The following TOP3A variants were observed in gnomAD, a reference collection of about 807,000 sequenced individuals.
TOP3A encodes DNA topoisomerase III alpha.
Under a neutral mutation model 111.3 loss-of-function variants are expected in TOP3A, and 64 were observed. The observed-to-expected ratio is 0.57, with a 90% confidence interval of 0.47 to 0.71. TOP3A has a LOEUF of 0.71. TOP3A is among the 30% of genes least tolerant of loss of function. The pLI, the probability that TOP3A is intolerant of heterozygous loss-of-function variation, is 0.00. For synonymous variants in TOP3A, 484 were observed against 485.1 expected, an observed-to-expected ratio of 1.00 and a Z score of 0.03; for missense variants, 1,104 against 1,285.0, an observed-to-expected ratio of 0.86 and a Z score of 2.15.
chr17:18,275,811 A>G (rs758717675), intron 18 of TOP3A, among the ~76,000 whole-genome samples: 13 of 147,404 alleles, frequency 8.8e-5, no homozygotes, highest in Non-Finnish European at 1.5e-4. Context: ...ACCGACCACC[A>G]TGCCCGGCTA....
rs778243201 is a variant in TOP3A at position 18,282,828 on chromosome 17, A to C, written c.1891T>G (p.Leu631Val). ...VAKAKKLDEA[L>V]AQYFGNGTEL... ...GTCCCATTCCCAAAGTACTGGGCCA[A>C]GGCCTCGTCCAATCTGAAGAAAAGG... The change falls in exon 16 of 19, where the codon TTG (leucine) becomes GTG (valine). Residue 631 changes from leucine (L) to valine (V), a missense_variant. By Grantham distance (32) the Leu-to-Val change is conservative. Coordinates refer to ENST00000321105, the MANE Select transcript of TOP3A (RefSeq NM_004618.5). 1 of 1,614,134 alleles carries C rather than the reference A, an allele frequency of 6.2e-7. No homozygotes were observed. The highest frequency in any genetic ancestry group is 1.1e-5 in the South Asian group (1 of 91,086).
At chr17:18,291,060 T>C in intron 11 of TOP3A, 33 bp from the exon 12 acceptor site, 2 of 1,603,420 alleles carry the variant, frequency 1.2e-6, no homozygotes, top group Non-Finnish European at 1.7e-6. Context: ...AAACTCCCCC[T>C]AGAATATCAC....
In TOP3A at chr17:18,294,695, A is replaced by G; in HGVS notation, c.1073+8T>C. The G allele has an allele frequency of 1.9e-6, 3 of 1,605,448 alleles. No individual in the cohort carries two copies. The highest frequency in any genetic ancestry group is 2.6e-6 in the Non-Finnish European group (3 of 1,172,372). ...TTCAAATTCTACTCCCAAACCCAAAATACTTACCCTTGAGTGTAGAGCTTC... is the reference window on the plus strand; with the variant it reads ...TTCAAATTCTACTCCCAAACCCAAAGTACTTACCCTTGAGTGTAGAGCTTC... On this transcript the variant is annotated splice_region_variant and intron_variant, in intron 10 of 18. Transcript: ENST00000321105.
At chr17:18,289,440 A>C (rs955606758) in intron 13 of TOP3A, among the ~76,000 whole-genome samples, 3 of 152,124 alleles carry the variant, frequency 2.0e-5, no homozygotes, top group Admixed American at 6.5e-5. Flanking sequence ...ATGCCTGGCT[A>C]ATTTTTGTAT....
intron 9 of TOP3A, among the ~76,000 whole-genome samples, chr17:18,295,770 ATT>A (rs767499816): frequency 1.6e-5 from 2 of 125,176 alleles, no homozygotes; most frequent in Non-Finnish European, 1.7e-5. Flanking sequence ...AGAAATCTAC[ATT>A]TTTTTTTTTT....
At chr17:18,283,267 G>A (rs1979882437) in intron 15 of TOP3A, among the ~76,000 whole-genome samples, 1 of 152,044 alleles carries the variant, frequency 6.6e-6, no homozygotes, top group Non-Finnish European at 1.5e-5. Flanking sequence ...TACTCAGGAG[G>A]CTGAGGCAGG....
At chr17:18,292,561 C>T (rs1980543478) in intron 11 of TOP3A, 84 bp downstream of exon 11, 1 of 1,174,264 alleles carries the variant, frequency 8.5e-7, no homozygotes, top group Non-Finnish European at 1.2e-6. Context: ...ACAATCACAG[C>T]CCACAGAGTA....
intron 1 of TOP3A, among the ~76,000 whole-genome samples, chr17:18,310,683 C>G (rs1346250091): frequency 2.0e-5 from 3 of 152,096 alleles, no homozygotes; most frequent in Admixed American, 1.3e-4. Flanking sequence ...AAAAAACCTT[C>G]TGGAACTAGA....
chr17:18,292,408 C>T (rs976037631), intron 11 of TOP3A, among the ~76,000 whole-genome samples: 5 of 152,152 alleles, frequency 3.3e-5, no homozygotes, highest in Admixed American at 6.6e-5. Flanking sequence ...GAAGGACTAG[C>T]AGGGAAGCAG....
Position 18,298,603 on chromosome 17 carries a change from G to A in TOP3A, c.990+956C>T, listed in dbSNP as rs571686096. Among the ~76,000 whole-genome samples, 9 of 151,934 alleles carry A rather than the reference G, an allele frequency of 5.9e-5. No homozygotes were observed. In the South Asian group the frequency reaches 1.9e-3, roughly 32 times the overall value. On this transcript the variant is annotated intron_variant, in intron 9 of 18. Coordinates refer to ENST00000321105, the MANE Select transcript of TOP3A (RefSeq NM_004618.5). ...CCATGATGACAATGGAGGTTTTGTG[G>A]AATAGAAAGGGGGGAAGGGTGGGGA...
chr17:18,306,636 G>T (rs888545759), intron 4 of TOP3A: 16 of 369,784 alleles, frequency 4.3e-5, no homozygotes, highest in African/African-American at 2.9e-4. Context: ...AAATTGCTGG[G>T]ATTACAGGCA....
chr17:18,291,581 G>A (rs1980479937), intron 11 of TOP3A, among the ~76,000 whole-genome samples: 1 of 152,122 alleles, frequency 6.6e-6, no homozygotes, highest in Non-Finnish European at 1.5e-5. Context: ...GTTAACTATA[G>A]TATCAAAAAC....
chr17:18,291,138 C>T, intron 11 of TOP3A, 111 bp from the exon 12 acceptor site: 1 of 1,095,314 alleles, frequency 9.1e-7, no homozygotes, highest in East Asian at 2.6e-5. Context: ...CCACACTGCT[C>T]CTCAGGCCCT....
intron 1 of TOP3A, among the ~76,000 whole-genome samples, chr17:18,310,102 TCC>T (rs1981822379): frequency 6.6e-6 from 1 of 152,024 alleles, no homozygotes. Flanking sequence ...ATATGATCTA[TCC>T]ATATGATAGA....
chr17:18,294,802 C>T lies in TOP3A; in HGVS notation c.991-17G>A, dbSNP rs779559317. On this transcript the variant is annotated splice_polypyrimidine_tract_variant and intron_variant, in intron 9 of 18. Transcript: ENST00000321105. Reference sequence around the variant, plus strand: ...CTCAAGCTCCTGTGAAATGGGTCAACAGGCATGTTAGGTGTACTGCATGGG... The same window carrying T: ...CTCAAGCTCCTGTGAAATGGGTCAATAGGCATGTTAGGTGTACTGCATGGG... 3 of 1,591,378 alleles carry T rather than the reference C, an allele frequency of 1.9e-6. No individual in the cohort carries two copies. The highest frequency in any genetic ancestry group is 2.2e-5 in the East Asian group (1 of 44,754).
chr17:18,292,769 T>C lies in TOP3A; in HGVS notation c.1157A>G (p.Asp386Gly). 6.2e-7 allele frequency: 1 copy of C among 1,613,986 alleles called. No homozygotes were observed. The highest frequency in any genetic ancestry group is 8.5e-7 in the Non-Finnish European group (1 of 1,179,950). Reference protein sequence around the residue: ...LTVLVEQQTPDPRWGAFAQSI... With the variant: ...LTVLVEQQTPGPRWGAFAQSI... ...CTGGGCAAAGGCCCCCCAGCGTGGA[T>C]CGGGGGTCTGCTGTTCCACCAACAC... is the stretch of plus-strand genomic sequence containing the variant. Residue 386 changes from aspartate (D) to glycine (G), a missense_variant, in exon 11 of 19, where the codon GAT becomes GGT. Coordinates refer to ENST00000321105, the MANE Select transcript of TOP3A (RefSeq NM_004618.5).
At chr17:18,312,730 G>A in intron 1 of TOP3A, 1 of 189,328 alleles carries the variant, frequency 5.3e-6, no homozygotes, top group Non-Finnish European at 1.2e-5. Flanking sequence ...CCTTTTGGCT[G>A]GAACTGCCAT....
intron 13 of TOP3A, among the ~76,000 whole-genome samples, chr17:18,286,877 G>A (rs1303817907): frequency 2.0e-5 from 3 of 152,084 alleles, no homozygotes; most frequent in South Asian, 4.1e-4. Flanking sequence ...TCTGCCTTCC[G>A]GGTTCAAGTG....
chr17:18,284,504 GC>G, intron 15 of TOP3A, among the ~76,000 whole-genome samples: 1 of 152,144 alleles, frequency 6.6e-6, no homozygotes, highest in South Asian at 2.1e-4. Context: ...GGAGCCCTTG[GC>G]CACTAGTCAT....
Sources: allele counts gnomAD v4.1 joint callset (sites outside exome capture counted in the v4.1 genomes callset), GRCh38; gene constraint gnomAD v4.1.1; transcripts MANE v1.5; gene names NCBI Gene and HGNC (gene_info 2026-07-23, HGNC 2026-07-21).